CSMD1: variants seen among roughly 807,000 people sequenced by gnomAD.
CSMD1 encodes the protein CUB and Sushi multiple domains 1.
CSMD1 carries 213 observed loss-of-function variants against 417.5 expected under a neutral mutation model. That is an observed-to-expected ratio of 0.51 (90% confidence interval 0.46 to 0.57). The LOEUF is 0.57. CSMD1 is among the 20% of genes least tolerant of loss of function. The pLI is 0.00. For missense variants in CSMD1, 6,923 were observed against 4,529.7 expected, an observed-to-expected ratio of 1.53 and a Z score of -15.17; for synonymous variants, 2,862 against 1,736.8, an observed-to-expected ratio of 1.65 and a Z score of -16.11.
chr8:4,070,570 G>A (rs374969419), intron 3 of CSMD1, among the ~76,000 whole-genome samples: 3 of 152,034 alleles, frequency 2.0e-5, no homozygotes, highest in African/African-American at 7.2e-5. Context: ...TGTTAGCCAG[G>A]ATGGTCTCGT....
intron 2 of CSMD1, among the ~76,000 whole-genome samples, chr8:4,588,369 A>G (rs1799809093): frequency 1.3e-5 from 2 of 151,222 alleles, no homozygotes; most frequent in Non-Finnish European, 3.0e-5. Flanking sequence ...TATGCTATCT[A>G]GAGACAGAGA....
At chr8:4,513,182 T>C (rs1300526181) in intron 2 of CSMD1, among the ~76,000 whole-genome samples, 1 of 152,176 alleles carries the variant, frequency 6.6e-6, no homozygotes, top group Admixed American at 6.5e-5. Flanking sequence ...GTAGGTTCAT[T>C]GATTGTAATA....
intron 3 of CSMD1, among the ~76,000 whole-genome samples, chr8:4,374,542 C>T (rs1001067396): frequency 6.6e-6 from 1 of 152,006 alleles, no homozygotes; most frequent in Non-Finnish European, 1.5e-5. Context: ...GCTGGTCAGT[C>T]CCACTCAAGC....
intron 1 of CSMD1, among the ~76,000 whole-genome samples, chr8:4,884,661 T>C (rs1280069752): frequency 6.6e-6 from 1 of 152,122 alleles, no homozygotes; most frequent in Non-Finnish European, 1.5e-5. Context: ...GGCAGTCATA[T>C]CAAATAACAA....
chr8:2,970,486 A>G (rs1278001428), intron 57 of CSMD1, among the ~76,000 whole-genome samples: 1 of 152,232 alleles, frequency 6.6e-6, no homozygotes, highest in Non-Finnish European at 1.5e-5. Flanking sequence ...AAACAGAAGG[A>G]TAGTTCTGCT....
chr8:4,618,949 T>A (rs1345758002), intron 2 of CSMD1, among the ~76,000 whole-genome samples: 1 of 152,172 alleles, frequency 6.6e-6, no homozygotes, highest in Non-Finnish European at 1.5e-5. Flanking sequence ...AATCCATATT[T>A]TATTTCTAGT....
intron 1 of CSMD1, among the ~76,000 whole-genome samples, chr8:4,796,610 G>A (rs909005004): frequency 1.3e-5 from 2 of 152,028 alleles, no homozygotes; most frequent in African/African-American, 2.4e-5. Context: ...CAAGACCACT[G>A]ATTAGCAAAC....
chr8:4,777,972 G>C (rs78429997), intron 1 of CSMD1, among the ~76,000 whole-genome samples: 1 of 151,964 alleles, frequency 6.6e-6, no homozygotes, highest in African/African-American at 2.4e-5. Flanking sequence ...GTTTTACATA[G>C]GGTTAAGCTT....
At chr8:4,590,830 G>A (rs1216977802) in intron 2 of CSMD1, among the ~76,000 whole-genome samples, 1 of 152,116 alleles carries the variant, frequency 6.6e-6, no homozygotes, top group Non-Finnish European at 1.5e-5. Flanking sequence ...TTAATAAAAG[G>A]ATATGGGACA....
intron 12 of CSMD1, among the ~76,000 whole-genome samples, chr8:3,439,309 A>ATATATATATATATATATATATATATTT: frequency 4.8e-5 from 3 of 62,454 alleles, no homozygotes; most frequent in Non-Finnish European, 8.6e-5. Flanking sequence ...ATATATATAT[A>ATATATATATATATATATATATATATTT]TTTTTTTTTT....
chr8:4,282,298 T>G (rs1796828853), intron 3 of CSMD1, among the ~76,000 whole-genome samples: 2 of 152,142 alleles, frequency 1.3e-5, no homozygotes, highest in Admixed American at 1.3e-4. Flanking sequence ...CTGATGAAGC[T>G]CAGGAACACT....
At chr8:3,555,711 T>C (rs139193926) in intron 10 of CSMD1, among the ~76,000 whole-genome samples, 1,659 of 152,288 alleles carry the variant, frequency 0.011, 27 homozygotes, top group African/African-American at 0.038. Flanking sequence ...TATGTGTCTA[T>C]CATATTTGAG....
intron 5 of CSMD1, among the ~76,000 whole-genome samples, chr8:3,767,688 T>G (rs1798353913): frequency 6.6e-6 from 1 of 152,208 alleles, no homozygotes; most frequent in Non-Finnish European, 1.5e-5. Flanking sequence ...CTATATATTA[T>G]GTATATTATA....
chr8:4,660,261 A>G (rs1469772552), intron 1 of CSMD1, among the ~76,000 whole-genome samples: 2 of 152,254 alleles, frequency 1.3e-5, no homozygotes, highest in East Asian at 1.9e-4. Flanking sequence ...AAGTGATTTT[A>G]TTAAGTCTGT....
chr8:3,792,687 T>C (rs1209292914), intron 5 of CSMD1, among the ~76,000 whole-genome samples: 1 of 152,172 alleles, frequency 6.6e-6, no homozygotes, highest in Non-Finnish European at 1.5e-5. Context: ...AATCATGAAA[T>C]CTTTTCTAAA....
intron 10 of CSMD1, among the ~76,000 whole-genome samples, chr8:3,539,446 G>C (rs1798346629): frequency 6.6e-6 from 1 of 152,138 alleles, no homozygotes; most frequent in Admixed American, 6.5e-5. Context: ...GATGACAGTT[G>C]GGTTTATGTG....
At chr8:3,084,614 A>C (rs370341341) in intron 49 of CSMD1, among the ~76,000 whole-genome samples, 1 of 151,746 alleles carries the variant, frequency 6.6e-6, no homozygotes, top group East Asian at 1.9e-4. Context: ...TCTTTGTTGC[A>C]CACTACAAAA....
intron 1 of CSMD1, among the ~76,000 whole-genome samples, chr8:4,732,985 C>G (rs1810001527): frequency 6.6e-6 from 1 of 151,866 alleles, no homozygotes; most frequent in Non-Finnish European, 1.5e-5. Context: ...GCACAAATCT[C>G]TAGGGCTACG....
intron 1 of CSMD1, among the ~76,000 whole-genome samples, chr8:4,736,937 C>A (rs1191019967): frequency 6.6e-6 from 1 of 152,180 alleles, no homozygotes; most frequent in Non-Finnish European, 1.5e-5. Flanking sequence ...TCCTGGGGCT[C>A]AGTCACAGCA....
Sources: gnomAD v4.1 joint callset for allele counts (sites outside exome capture counted in the v4.1 genomes callset) on GRCh38, gnomAD v4.1.1 for gene constraint, MANE v1.5 for transcripts, NCBI Gene and HGNC (gene_info 2026-07-23, HGNC 2026-07-21) for gene names.